R3HCC1L: variants seen among roughly 807,000 people sequenced by gnomAD.
R3HCC1L encodes the protein coiled-coil domain-containing protein R3HCC1L.
R3HCC1L carries 51 observed loss-of-function variants against 59.9 expected under a neutral mutation model. The observed-to-expected ratio is 0.85, with a 90% CI of 0.68 to 1.07. R3HCC1L has a LOEUF of 1.07. Among genes scored for constraint, R3HCC1L ranks in the 50% least tolerant of loss-of-function variants. R3HCC1L has a pLI of 0.00. For missense variants in R3HCC1L, 965 were observed against 933.0 expected (o/e 1.03, Z -0.45); for synonymous variants, 322 against 315.2 (o/e 1.02, Z -0.23).
At chr10:98,233,017 A>G (rs533576858) in intron 6 of R3HCC1L, among the ~76,000 whole-genome samples, 2 of 152,316 alleles carry the variant, frequency 1.3e-5, no homozygotes, top group East Asian at 3.9e-4. Context: ...CTTTAAATGT[A>G]TAGTGTGTAG....
chr10:98,187,971 G>T (rs1002259027), intron 4 of R3HCC1L, among the ~76,000 whole-genome samples: 1 of 151,882 alleles, frequency 6.6e-6, no homozygotes, highest in Admixed American at 6.6e-5. Context: ...TCGAACTCCT[G>T]GACTTAAGTG....
At chr10:98,235,691 T>C (rs779146951) in intron 8 of R3HCC1L, among the ~76,000 whole-genome samples, 171 bp downstream of exon 8, 23 of 152,336 alleles carry the variant, frequency 1.5e-4, no homozygotes, top group Middle Eastern at 6.8e-3. Flanking sequence ...GTTGGAAATA[T>C]GGCATCTGAG....
intron 1 of R3HCC1L, among the ~76,000 whole-genome samples, chr10:98,136,059 C>T (rs1418466846): frequency 6.9e-6 from 1 of 144,400 alleles, no homozygotes; most frequent in East Asian, 2.0e-4. Flanking sequence ...TTCACTATGT[C>T]GCCCAGATTG....
chr10:98,218,308 A>AT lies in R3HCC1L; in HGVS notation c.1785+8415dup, dbSNP rs1854450141. On this transcript the variant is annotated intron_variant, in intron 5 of 9. Transcript: ENST00000298999. ...TCATTCTGTTGATCTAATGTATCACATTTTTTACAAAAATCAACAAAATAC... is the reference window on the plus strand; with the variant it reads ...TCATTCTGTTGATCTAATGTATCACATTTTTTTACAAAAATCAACAAAATAC... 2.0e-5 allele frequency among the ~76,000 whole-genome samples: 3 copies of AT among 151,932 alleles called. No homozygotes were observed. In the South Asian group the frequency reaches 6.2e-4, roughly 31 times the overall value.
chr10:98,235,684 G>A (rs564928304), intron 8 of R3HCC1L, among the ~76,000 whole-genome samples, 164 bp downstream of exon 8: 7 of 152,314 alleles, frequency 4.6e-5, no homozygotes, highest in African/African-American at 1.7e-4. Flanking sequence ...TGACCATGTT[G>A]GAAATATGGC....
At chr10:98,180,221 G>A (rs1053856193) in intron 4 of R3HCC1L, among the ~76,000 whole-genome samples, 3 of 152,118 alleles carry the variant, frequency 2.0e-5, no homozygotes, top group African/African-American at 7.2e-5. Context: ...TCTACACACT[G>A]CTTTAAATGT....
chr10:98,200,669 A>C (rs927222515), intron 4 of R3HCC1L, among the ~76,000 whole-genome samples: 1 of 152,156 alleles, frequency 6.6e-6, no homozygotes, highest in Non-Finnish European at 1.5e-5. Flanking sequence ...AAGAAAGCAC[A>C]AATAAATAAT....
intron 5 of R3HCC1L, among the ~76,000 whole-genome samples, chr10:98,218,658 G>A (rs9420729): frequency 0.96 from 145,666 of 152,238 alleles, 69,993 homozygotes; most frequent in East Asian, 1. Context: ...CAGTTGTTGG[G>A]TAAAGTGTTC....
In R3HCC1L at chr10:98,209,285, G is replaced by A. The variant is rs1233887775; in HGVS notation, c.1171G>A (p.Val391Ile). The change falls in exon 5 of 10, where the codon GTT (valine) becomes ATT (isoleucine). Residue 391 changes from valine to isoleucine, a missense_variant. Coordinates refer to ENST00000298999, the MANE Select transcript of R3HCC1L (RefSeq NM_001351015.2). ...TGMSCSDHVT[V>I]DSPYVVAVRI... ...TATGTCCTGTAGTGATCATGTAACT[G>A]TTGATAGCCCTTATGTAGTTGCAGT... 7 of 1,613,840 alleles carry A rather than the reference G, an allele frequency of 4.3e-6. No individual in the cohort carries two copies. In the African/African-American group the frequency reaches 8.0e-5, roughly 18 times the overall value.
chr10:98,209,252 A>C lies in R3HCC1L; in HGVS notation c.1138A>C (p.Thr380Pro). The stretch of plus-strand genomic sequence containing the variant: ...TACCAATAAAGCATGTATGATGGAC[A>C]CTACAGGTATGTCCTGTAGTGATCA... ...DITNKACMMDTTGMSCSDHVT... is the reference protein window; with the variant it reads ...DITNKACMMDPTGMSCSDHVT... The change falls in exon 5 of 10, where the codon ACT (threonine) becomes CCT (proline). Residue 380 changes from threonine (T) to proline (P), a missense_variant. Transcript: ENST00000298999. 6.2e-7 allele frequency: 1 copy of C among 1,613,980 alleles called. No individual in the cohort carries two copies. Among genetic ancestry groups the C allele is most frequent in the Non-Finnish European group, 8.5e-7 (1 of 1,179,990 alleles).
rs1857945232 is a variant in R3HCC1L at position 98,244,800 on chromosome 10, T to G, written c.*642T>G. On this transcript the variant is annotated 3_prime_UTR_variant, in exon 10 of 10. Transcript: ENST00000298999. ...CCAGGGGGGATACCAGCTTCATTCC[T>G]CAGAGTAAACCAACCTTGGGAGCTG... The G allele has an allele frequency of 1.3e-5, 2 of 152,292 alleles. No homozygotes were observed. The highest frequency in any genetic ancestry group is 4.1e-4 in the South Asian group (2 of 4,834). The allele number at this position is 152,292 out of a possible 1,614,324, so 9.4% of individuals were successfully genotyped here.
chr10:98,196,128 A>G (rs1851407710), intron 4 of R3HCC1L, among the ~76,000 whole-genome samples: 2 of 152,222 alleles, frequency 1.3e-5, no homozygotes, highest in South Asian at 4.1e-4. Context: ...TAATAAAGGT[A>G]TGACAAAGCA....
intron 4 of R3HCC1L, among the ~76,000 whole-genome samples, chr10:98,182,384 C>A (rs1200968488): frequency 6.6e-6 from 1 of 152,122 alleles, no homozygotes; most frequent in Non-Finnish European, 1.5e-5. Flanking sequence ...AGCAAATATT[C>A]CTGCCTGATC....
At chr10:98,164,203 A>AT (rs1398840988) in intron 4 of R3HCC1L, among the ~76,000 whole-genome samples, 1 of 152,184 alleles carries the variant, frequency 6.6e-6, no homozygotes, top group Non-Finnish European at 1.5e-5. Flanking sequence ...TGACATGATA[A>AT]TGGTGATTTG....
At chr10:98,231,303 T>C (rs1428517027) in intron 5 of R3HCC1L, among the ~76,000 whole-genome samples, 1 of 152,200 alleles carries the variant, frequency 6.6e-6, no homozygotes, top group East Asian at 1.9e-4. Flanking sequence ...TTCAACACTT[T>C]TTCAACAGTT....
Position 98,236,059 on chromosome 10 carries a change from TCAG to T in R3HCC1L, c.2169_2171del (p.Ala724del). ...GCCAGCAAAGGAGCGTCCTGAGACT[TCAG>T]CAGCCCTAGCCAGAAGGTTAGTCAT... On this transcript the variant is annotated inframe_deletion, in exon 9 of 10. Coordinates refer to ENST00000298999, the MANE Select transcript of R3HCC1L (RefSeq NM_001351015.2). The T allele has an allele frequency of 1.2e-6, 2 of 1,614,014 alleles. No homozygotes were observed. Among genetic ancestry groups the T allele is most frequent in the Non-Finnish European group, 1.7e-6 (2 of 1,179,894 alleles).
At chr10:98,142,945 C>A (rs1054460046) in intron 1 of R3HCC1L, among the ~76,000 whole-genome samples, 4 of 148,624 alleles carry the variant, frequency 2.7e-5, no homozygotes, top group Admixed American at 6.7e-5. Context: ...CAAAAAAAAA[C>A]AAACAAACAA....
At chr10:98,142,648 AAGT>A (rs1274146795) in intron 1 of R3HCC1L, among the ~76,000 whole-genome samples, 2 of 150,204 alleles carry the variant, frequency 1.3e-5, no homozygotes, top group African/African-American at 4.9e-5. Context: ...AAAAAAAAAA[AAGT>A]AGGCCGGGTA....
At position 98,177,883 on chromosome 10, in the gene R3HCC1L, A is replaced by AT. The variant is rs528798384; in HGVS notation, c.-15+14492dup. On this transcript the variant is annotated intron_variant, in intron 4 of 9. Coordinates refer to ENST00000298999, the MANE Select transcript of R3HCC1L (RefSeq NM_001351015.2). ...GCCCACTTTTTGATGGGGTTGTTTG[A>AT]TTTTTTCTTGTAAATTTGTTTAAGT... Among the ~76,000 whole-genome samples, 613 of 151,524 alleles carry AT rather than the reference A, an allele frequency of 4.0e-3. 18 individuals carry two copies. The highest frequency in any genetic ancestry group is 0.013 in the South Asian group (61 of 4,790).
Sources: gnomAD v4.1 joint callset for allele counts (sites outside exome capture counted in the v4.1 genomes callset) on GRCh38, gnomAD v4.1.1 for gene constraint, MANE v1.5 for transcripts, NCBI Gene and HGNC (gene_info 2026-07-23, HGNC 2026-07-21) for gene names.